GALNT13: variants seen among roughly 807,000 people sequenced by gnomAD.
The protein encoded by GALNT13 is UDP-GalNAc:polypeptide N-acetylgalactosaminyltransferase 13.
In GALNT13, 28 loss-of-function variants were observed where a neutral mutation model predicts 64.2. The ratio of observed to expected loss-of-function variants is 0.44; its 90% CI spans 0.32 to 0.60. The LOEUF (loss-of-function observed/expected upper bound fraction) is 0.60. GALNT13 is among the 20% of genes least tolerant of loss of function. The probability of loss-of-function intolerance (pLI) is 0.05; values close to 1 mark genes in which losing one functional copy is unlikely to be tolerated. For synonymous variants in GALNT13, 214 were observed against 224.6 expected, an observed-to-expected ratio of 0.95 and a Z score of 0.42; for missense variants, 577 against 669.8, an observed-to-expected ratio of 0.86 and a Z score of 1.53.
intron 3 of GALNT13, among the ~76,000 whole-genome samples, chr2:154,007,050 G>C (rs934721681): frequency 6.6e-6 from 1 of 152,186 alleles, no homozygotes; most frequent in African/African-American, 2.4e-5. Flanking sequence ...GAGTTAATTA[G>C]AAAGGAGATT....
chr2:154,046,438 G>C (rs868051032), intron 3 of GALNT13, among the ~76,000 whole-genome samples: 3 of 152,204 alleles, frequency 2.0e-5, no homozygotes, highest in African/African-American at 7.2e-5. Flanking sequence ...ATGTTGCAAA[G>C]ACACAGTGCT....
At chr2:154,129,296 A>C (rs1682479272) in intron 3 of GALNT13, among the ~76,000 whole-genome samples, 1 of 152,190 alleles carries the variant, frequency 6.6e-6, no homozygotes, top group Non-Finnish European at 1.5e-5. Context: ...GAAAGAAAGC[A>C]AAGTATGCTG....
At chr2:154,302,289 CAAAAA>C (rs926443873) in intron 9 of GALNT13, among the ~76,000 whole-genome samples, 1 of 151,556 alleles carries the variant, frequency 6.6e-6, no homozygotes, top group East Asian at 1.9e-4. Context: ...TTACTTAAAA[CAAAAA>C]AAGCCAAAAA....
intron 2 of GALNT13, among the ~76,000 whole-genome samples, chr2:153,920,554 G>A (rs575377623): frequency 4.6e-5 from 7 of 151,972 alleles, no homozygotes; most frequent in South Asian, 2.1e-4. Context: ...AGGAAATACC[G>A]TGCTGGACCT....
chr2:154,058,268 T>C (rs1699999046), intron 3 of GALNT13, among the ~76,000 whole-genome samples: 1 of 151,068 alleles, frequency 6.6e-6, no homozygotes, highest in South Asian at 2.1e-4. Flanking sequence ...ACTGCCATTC[T>C]GATCTCCTCC....
At chr2:153,878,574 A>T (rs1290345812) in intron 1 of GALNT13, among the ~76,000 whole-genome samples, 1 of 152,164 alleles carries the variant, frequency 6.6e-6, no homozygotes, top group East Asian at 1.9e-4. Context: ...ATTAGGGATG[A>T]CTTGTTCCTT....
chr2:153,234,860 A>G, the GALNT13 span, among the ~76,000 whole-genome samples: 1 of 152,202 alleles, frequency 6.6e-6, no homozygotes, highest in African/African-American at 2.4e-5. Context: ...AGCCAGGCAT[A>G]TAAGGCTAAA....
the GALNT13 span, among the ~76,000 whole-genome samples, chr2:153,313,226 C>T: frequency 0.024 from 3,641 of 152,130 alleles, 75 homozygotes; most frequent in South Asian, 0.071. Context: ...CTATCATAAA[C>T]GATTACAATA....
intron 3 of GALNT13, among the ~76,000 whole-genome samples, chr2:153,954,528 G>A (rs1260913706): frequency 6.6e-6 from 1 of 151,202 alleles, no homozygotes; most frequent in Non-Finnish European, 1.5e-5. Flanking sequence ...TTCTACATGG[G>A]CATAGTAATG....
the GALNT13 span, among the ~76,000 whole-genome samples, chr2:153,239,045 A>C: frequency 1.3e-5 from 2 of 151,980 alleles, no homozygotes; most frequent in Non-Finnish European, 2.9e-5. Flanking sequence ...TTCTTTGTAG[A>C]AATCTTTCAC....
chr2:154,287,892 T>C (rs1364123615), intron 8 of GALNT13, among the ~76,000 whole-genome samples: 1 of 152,168 alleles, frequency 6.6e-6, no homozygotes, highest in Non-Finnish European at 1.5e-5. Flanking sequence ...CCAGTCTTGC[T>C]AGACTGGTCT....
chr2:153,959,063 AAAT>A lies in GALNT13; in HGVS notation c.142+14429_142+14431del, dbSNP rs371249558. Among the ~76,000 whole-genome samples the A allele has an allele frequency of 4.7e-4, 71 of 152,356 alleles. No individual in the cohort carries two copies. The East Asian group carries it at 9.4e-3, about 20-fold the overall frequency. Reference sequence around the variant, plus strand: ...AGGGACTTGCAGCTGGCTGTTGGGAAAATAATACTTCTAACTCTAAGGGCAGAA... The same window carrying A: ...AGGGACTTGCAGCTGGCTGTTGGGAAAATACTTCTAACTCTAAGGGCAGAA... On this transcript the variant is annotated intron_variant, in intron 3 of 12. Transcript: ENST00000392825.
At chr2:153,258,709 C>T in the GALNT13 span, among the ~76,000 whole-genome samples, 227 of 152,172 alleles carry the variant, frequency 1.5e-3, 1 homozygote, top group Non-Finnish European at 2.5e-3. Context: ...GTAATTTCTT[C>T]ATTGACCCAC....
chr2:153,263,776 C>T, the GALNT13 span, among the ~76,000 whole-genome samples: 1 of 152,168 alleles, frequency 6.6e-6, no homozygotes, highest in South Asian at 2.1e-4. Context: ...CCCTTCCTTA[C>T]ACCTTATACA....
the GALNT13 span, among the ~76,000 whole-genome samples, chr2:153,852,976 A>G: frequency 6.6e-6 from 1 of 152,160 alleles, no homozygotes; most frequent in African/African-American, 2.4e-5. Context: ...AGAGCAAGGA[A>G]GTCAGTGTGA....
At chr2:153,289,462 G>A in the GALNT13 span, among the ~76,000 whole-genome samples, 3 of 152,210 alleles carry the variant, frequency 2.0e-5, no homozygotes, top group Admixed American at 1.3e-4. Context: ...CTGAGACTCA[G>A]ATGGTTTTTG....
At chr2:153,510,787 A>G in the GALNT13 span, among the ~76,000 whole-genome samples, 1 of 152,218 alleles carries the variant, frequency 6.6e-6, no homozygotes, top group East Asian at 1.9e-4. Flanking sequence ...CGTATCAGCA[A>G]AAGAGACAGA....
the GALNT13 span, among the ~76,000 whole-genome samples, chr2:153,586,167 TAAC>T: frequency 6.6e-6 from 1 of 152,104 alleles, no homozygotes; most frequent in Admixed American, 6.6e-5. Context: ...AGAAAAAAGT[TAAC>T]AATATTACAG....
chr2:153,190,973 T>A, the GALNT13 span, among the ~76,000 whole-genome samples: 1 of 150,356 alleles, frequency 6.7e-6, no homozygotes. Context: ...GAGGTTTTTT[T>A]AAGGTCTTTT....
Sources: gnomAD v4.1 joint callset for allele counts (sites outside exome capture counted in the v4.1 genomes callset) on GRCh38, gnomAD v4.1.1 for gene constraint, MANE v1.5 for transcripts, NCBI Gene and HGNC (gene_info 2026-07-23, HGNC 2026-07-21) for gene names.